The following TNRC6B variants were observed in gnomAD, a reference collection of about 807,000 sequenced individuals.
The protein encoded by TNRC6B is trinucleotide repeat containing adaptor 6B, also known as trinucleotide repeat-containing gene 6B protein.
Under a neutral mutation model 203.6 loss-of-function variants are expected in TNRC6B, and 52 were observed. The observed-to-expected ratio is 0.26, with a 90% CI of 0.20 to 0.32. The LOEUF (loss-of-function observed/expected upper bound fraction) is 0.32, where lower values mean the gene tolerates loss of function less well. TNRC6B is among the 10% of genes least tolerant of loss of function. TNRC6B has a pLI of 1.00. For synonymous variants in TNRC6B, 838 were observed against 845.7 expected (o/e 0.99, Z 0.16); for missense variants, 1,923 against 2,286.2 (o/e 0.84, Z 3.24).
At chr22:40,241,246 C>T (rs1339476243) in intron 1 of TNRC6B, among the ~76,000 whole-genome samples, 1 of 152,170 alleles carries the variant, frequency 6.6e-6, no homozygotes, top group Non-Finnish European at 1.5e-5. Context: ...TCACCTGTAG[C>T]CCTTTCACCA....
At chr22:40,066,157 A>C (rs1283479782) in intron 1 of TNRC6B, among the ~76,000 whole-genome samples, 2 of 152,024 alleles carry the variant, frequency 1.3e-5, no homozygotes, top group East Asian at 3.8e-4. Flanking sequence ...CTGTTCTGTG[A>C]CTGGGAAACT....
At chr22:40,210,722 G>A (rs994189424) in intron 1 of TNRC6B, among the ~76,000 whole-genome samples, 3 of 152,142 alleles carry the variant, frequency 2.0e-5, no homozygotes, top group Non-Finnish European at 4.4e-5. Context: ...ATTGATAACC[G>A]TCTTTCCTAG....
chr22:40,217,509 A>G (rs2069651070), intron 1 of TNRC6B, among the ~76,000 whole-genome samples: 1 of 152,228 alleles, frequency 6.6e-6, no homozygotes, highest in African/African-American at 2.4e-5. Context: ...AGTGTTGGGA[A>G]GGGACAAACA....
intron 2 of TNRC6B, among the ~76,000 whole-genome samples, chr22:40,123,499 G>T (rs930347049): frequency 6.6e-6 from 1 of 152,108 alleles, no homozygotes. Flanking sequence ...TTCCTCTCCC[G>T]ACCTCCTGTC....
At chr22:40,241,897 G>C (rs905709024) in intron 1 of TNRC6B, among the ~76,000 whole-genome samples, 2 of 152,168 alleles carry the variant, frequency 1.3e-5, no homozygotes, top group African/African-American at 4.8e-5. Context: ...TGATGTTGAT[G>C]TTGTTCCAGA....
At chr22:40,185,949 T>TA (rs1204662103) in intron 1 of TNRC6B, among the ~76,000 whole-genome samples, 8 of 152,164 alleles carry the variant, frequency 5.3e-5, no homozygotes, top group Non-Finnish European at 1.0e-4. Flanking sequence ...AGGTCAGACT[T>TA]ACTGAATTGG....
Position 40,308,498 on chromosome 22 carries a change from C to T in TNRC6B, c.4121-14C>T, listed in dbSNP as rs754283804. 8.1e-6 allele frequency: 13 copies of T among 1,613,848 alleles called. No homozygotes were observed. Among genetic ancestry groups the T allele is most frequent in the Non-Finnish European group, 1.1e-5 (13 of 1,179,798 alleles). On this transcript the variant is annotated splice_polypyrimidine_tract_variant and intron_variant, in intron 15 of 22. Transcript: ENST00000454349. ...ATGCTGGAGACTTATAAAATGTGGT[C>T]TTCTCCTTTTTAGGCTTCAGCTCTG...
intron 4 of TNRC6B, among the ~76,000 whole-genome samples, chr22:40,171,322 C>T (rs977350194): frequency 3.3e-5 from 5 of 151,734 alleles, no homozygotes; most frequent in Non-Finnish European, 5.9e-5. Context: ...CTACCACACC[C>T]GGCTAATTTT....
chr22:40,270,376 G>T lies in TNRC6B; in HGVS notation c.2965+96G>T, dbSNP rs1410188460. 39 of 1,222,050 alleles carry T rather than the reference G, an allele frequency of 3.2e-5. 1 individual carries two copies. In the East Asian group the frequency reaches 1.1e-3, roughly 36 times the overall value. 75.7% of individuals were successfully genotyped at this position (1,222,050 alleles called of 1,614,324 possible). A position where few individuals can be genotyped will look rare whatever the true frequency, so the allele number is the denominator to read the frequency against. On this transcript the variant is annotated intron_variant, in intron 6 of 22. Coordinates refer to ENST00000454349, the MANE Select transcript of TNRC6B (RefSeq NM_001162501.2). The stretch of plus-strand genomic sequence containing the variant: ...TCTTGTCCACCCAGGCTGGAGTGCA[G>T]TGGTGCAATTTCGGCTCACTGCAAC...
intron 4 of TNRC6B, among the ~76,000 whole-genome samples, chr22:40,157,796 T>C (rs1424121033): frequency 6.6e-6 from 1 of 152,212 alleles, no homozygotes; most frequent in East Asian, 1.9e-4. Flanking sequence ...TCGAGGGTTT[T>C]CTGTGCACAA....
chr22:40,313,315 G>C (rs1053772018), intron 19 of TNRC6B, among the ~76,000 whole-genome samples: 1 of 152,048 alleles, frequency 6.6e-6, no homozygotes, highest in Non-Finnish European at 1.5e-5. Context: ...AGAAGTCAAG[G>C]GTCATGAGAA....
At chr22:40,244,234 G>A (rs1354198406) in intron 1 of TNRC6B, among the ~76,000 whole-genome samples, 2 of 152,214 alleles carry the variant, frequency 1.3e-5, no homozygotes, top group South Asian at 2.1e-4. Context: ...CACTGCTGCT[G>A]CAGGTGGATT....
chr22:40,216,404 G>C (rs1415537751), intron 1 of TNRC6B, among the ~76,000 whole-genome samples: 1 of 152,132 alleles, frequency 6.6e-6, no homozygotes, highest in Non-Finnish European at 1.5e-5. Flanking sequence ...AACTAAGTCA[G>C]TGTTTTTTTT....
chr22:40,309,583 C>A (rs1234948429), intron 16 of TNRC6B, among the ~76,000 whole-genome samples: 1 of 152,160 alleles, frequency 6.6e-6, no homozygotes, highest in Admixed American at 6.5e-5. Context: ...ATAATCTAAG[C>A]CCACTGATAT....
At chr22:40,246,622 T>G (rs1046751205) in intron 2 of TNRC6B, among the ~76,000 whole-genome samples, 8 of 152,250 alleles carry the variant, frequency 5.3e-5, no homozygotes, top group Non-Finnish European at 1.0e-4. Context: ...TGGCTGAGTT[T>G]TTGAAAACAA....
intron 19 of TNRC6B, among the ~76,000 whole-genome samples, chr22:40,314,099 T>C (rs1601516455): frequency 6.6e-6 from 1 of 152,210 alleles, no homozygotes; most frequent in African/African-American, 2.4e-5. Flanking sequence ...GATTGAACTA[T>C]GTGTCTTTTT....
intron 2 of TNRC6B, among the ~76,000 whole-genome samples, chr22:40,249,490 T>A (rs2070154175): frequency 6.6e-6 from 1 of 152,184 alleles, no homozygotes; most frequent in Non-Finnish European, 1.5e-5. Flanking sequence ...TCCATTCACA[T>A]TCATTTAGGC....
chr22:40,260,502 G>A (rs939743646), intron 3 of TNRC6B, among the ~76,000 whole-genome samples: 1 of 152,224 alleles, frequency 6.6e-6, no homozygotes, highest in Non-Finnish European at 1.5e-5. Flanking sequence ...AATTTCGGTG[G>A]TAGAGATAGA....
rs564467760 is a variant in TNRC6B, at chr22:40,081,612, C to G, written c.-120-35443C>G. Among the ~76,000 whole-genome samples the G allele has an allele frequency of 2.6e-5, 4 of 152,270 alleles. No individual in the cohort carries two copies. In the South Asian group the frequency reaches 8.3e-4, roughly 32 times the overall value. On this transcript the variant is annotated intron_variant, in intron 1 of 23. Coordinates refer to the TNRC6B transcript ENST00000301923. The stretch of plus-strand genomic sequence containing the variant: ...CACTTTCCAGCTTTGTCACCTGCAA[C>G]CAATTATATAATATTTCTAAGCCTC...
Sources: gnomAD v4.1 joint callset for allele counts (sites outside exome capture counted in the v4.1 genomes callset) on GRCh38, gnomAD v4.1.1 for gene constraint, MANE v1.5 for transcripts, NCBI Gene and HGNC (gene_info 2026-07-23, HGNC 2026-07-21) for gene names.